Variants in MACROD2 observed in about 807,000 individuals in gnomAD.
The protein encoded by MACROD2 is ADP-ribose glycohydrolase MACROD2.
Under a neutral mutation model 70.4 loss-of-function variants are expected in MACROD2, and 36 were observed. That is an observed-to-expected ratio of 0.51 (90% CI 0.39 to 0.68). The LOEUF is 0.68. MACROD2 is among the 30% of genes least tolerant of loss of function. The pLI, the probability that MACROD2 is intolerant of heterozygous loss-of-function variation, is 0.00. For synonymous variants in MACROD2, 172 were observed against 178.8 expected, an observed-to-expected ratio of 0.96 and a Z score of 0.30; for missense variants, 496 against 538.4, an observed-to-expected ratio of 0.92 and a Z score of 0.78.
At chr20:14,385,152 A>G (rs6105261) in intron 3 of MACROD2, among the ~76,000 whole-genome samples, 58,978 of 151,952 alleles carry the variant, frequency 0.39, 11,812 homozygotes, top group South Asian at 0.62. Flanking sequence ...TTAATAATCA[A>G]TGGAGAAAAA....
intron 7 of MACROD2, among the ~76,000 whole-genome samples, chr20:15,494,685 G>A (rs982256711): frequency 2.0e-4 from 30 of 152,048 alleles, no homozygotes; most frequent in African/African-American, 6.3e-4. Flanking sequence ...CTCAGGACAA[G>A]GCAGCTTTCT....
At chr20:14,702,879 C>T (rs118166154) in intron 5 of MACROD2, among the ~76,000 whole-genome samples, 1,728 of 151,204 alleles carry the variant, frequency 0.011, 13 homozygotes, top group Non-Finnish European at 0.019. Flanking sequence ...AGGTGCCTGC[C>T]ACCACACCCT....
intron 3 of MACROD2, among the ~76,000 whole-genome samples, chr20:14,341,921 A>G (rs1244867710): frequency 1.3e-5 from 2 of 152,198 alleles, no homozygotes; most frequent in African/African-American, 4.8e-5. Flanking sequence ...CAGGCTATAT[A>G]CAGTGGACCT....
chr20:15,540,450 T>C (rs1282363028), intron 8 of MACROD2, among the ~76,000 whole-genome samples: 1 of 152,138 alleles, frequency 6.6e-6, no homozygotes, highest in Non-Finnish European at 1.5e-5. Context: ...GAAGAGACTC[T>C]TGTAGCAATT....
At position 14,326,082 on chromosome 20, in the gene MACROD2, A is replaced by G. The variant is rs2082728821; in HGVS notation, c.272-167397A>G. 2 of 1,613,944 alleles carry G rather than the reference A, an allele frequency of 1.2e-6. No homozygotes were observed. The highest frequency in any genetic ancestry group is 1.7e-6 in the Non-Finnish European group (2 of 1,179,884). ...TTTCCATGGGAACCATGCATACTTT[A>G]TAGGGTGAATCAGGCTCCAGGGCTG... On this transcript the variant is annotated intron_variant, in intron 3 of 17. Coordinates refer to ENST00000684519, the MANE Select transcript of MACROD2 (RefSeq NM_001351661.2). This position sits in a 1 kb window ranked among gnomAD's most constrained non-coding sequence, Gnocchi z 5.5.
intron 5 of MACROD2, among the ~76,000 whole-genome samples, chr20:14,973,381 C>T (rs1027975968): frequency 2.6e-5 from 4 of 151,858 alleles, no homozygotes; most frequent in African/African-American, 9.7e-5. Context: ...TGCCTCCACA[C>T]CTGGCTAATT....
chr20:15,220,069 T>G (rs967103026), intron 5 of MACROD2, among the ~76,000 whole-genome samples: 3 of 152,058 alleles, frequency 2.0e-5, no homozygotes, highest in African/African-American at 7.2e-5. Flanking sequence ...TGTTAGAATC[T>G]TATTTTTAAA....
intron 8 of MACROD2, among the ~76,000 whole-genome samples, chr20:15,832,589 A>G (rs1419629048): frequency 1.3e-5 from 2 of 152,234 alleles, no homozygotes; most frequent in Non-Finnish European, 2.9e-5. Context: ...AAAAACACCC[A>G]TACATATTCC....
intron 4 of MACROD2, among the ~76,000 whole-genome samples, chr20:14,538,094 C>T (rs2085388251): frequency 1.3e-5 from 2 of 152,158 alleles, no homozygotes; most frequent in South Asian, 4.1e-4. Context: ...TCAGAACAAT[C>T]CCATGAAGGG....
At chr20:15,188,415 AT>A (rs1276455041) in intron 5 of MACROD2, among the ~76,000 whole-genome samples, 1 of 152,240 alleles carries the variant, frequency 6.6e-6, no homozygotes, top group Non-Finnish European at 1.5e-5. Context: ...TGGTTAGTAT[AT>A]TAACCTATTA....
chr20:15,775,262 A>G (rs1019788442), intron 8 of MACROD2, among the ~76,000 whole-genome samples: 7 of 152,098 alleles, frequency 4.6e-5, no homozygotes, highest in Non-Finnish European at 8.8e-5. Flanking sequence ...GCATGATCTG[A>G]GGGTGGCGTT....
At chr20:14,377,776 G>A (rs988992271) in intron 3 of MACROD2, among the ~76,000 whole-genome samples, 2 of 152,148 alleles carry the variant, frequency 1.3e-5, no homozygotes, top group Non-Finnish European at 2.9e-5. Flanking sequence ...TTTGCAATGA[G>A]TATAACTTTA....
chr20:14,806,622 C>T (rs556416901), intron 5 of MACROD2, among the ~76,000 whole-genome samples: 1 of 152,202 alleles, frequency 6.6e-6, no homozygotes, highest in African/African-American at 2.4e-5. Flanking sequence ...GGGGCTGAAG[C>T]CAGGGAGCCA....
At chr20:15,309,400 G>A (rs1388576683) in intron 6 of MACROD2, among the ~76,000 whole-genome samples, 1 of 152,148 alleles carries the variant, frequency 6.6e-6, no homozygotes, top group African/African-American at 2.4e-5. Context: ...ACTGATAGCT[G>A]ATGATTACCA....
At chr20:14,387,577 C>A (rs573266433) in intron 3 of MACROD2, among the ~76,000 whole-genome samples, 9 of 152,146 alleles carry the variant, frequency 5.9e-5, no homozygotes, top group Non-Finnish European at 1.2e-4. Context: ...GCTTCTGTGC[C>A]GGTTTCTCAA....
intron 3 of MACROD2, among the ~76,000 whole-genome samples, chr20:14,337,038 A>T (rs562369256): frequency 5.3e-5 from 8 of 152,350 alleles, no homozygotes; most frequent in Admixed American, 2.6e-4. Flanking sequence ...ATCATCCCAC[A>T]CGTACAGTAC....
intron 5 of MACROD2, among the ~76,000 whole-genome samples, chr20:15,043,178 A>T (rs941912973): frequency 1.3e-5 from 2 of 152,236 alleles, no homozygotes; most frequent in Non-Finnish European, 2.9e-5. Flanking sequence ...ATGACCAGGC[A>T]GTGGACTGAA....
intron 10 of MACROD2, among the ~76,000 whole-genome samples, chr20:15,904,739 G>T (rs1316465471): frequency 6.6e-6 from 1 of 151,996 alleles, no homozygotes; most frequent in African/African-American, 2.4e-5. Flanking sequence ...AAATTAGCCG[G>T]GCGTGGTGGC....
Position 14,326,942 on chromosome 20 carries a change from T to C in MACROD2, c.272-166537T>C. 1.2e-6 allele frequency: 2 copies of C among 1,613,760 alleles called. No individual in the cohort carries two copies. The highest frequency in any genetic ancestry group is 1.7e-6 in the Non-Finnish European group (2 of 1,179,796). On this transcript the variant is annotated intron_variant, in intron 3 of 17. Transcript: ENST00000684519. This position sits in a 1 kb window ranked among gnomAD's most constrained non-coding sequence, Gnocchi z 5.5. ...CCTTGAAGAGATGGTGATGAAATAG[T>C]GGATATGCGATTATCATCCAAGCGT... is the stretch of plus-strand genomic sequence containing the variant.
Sources: allele counts gnomAD v4.1 joint callset (sites outside exome capture counted in the v4.1 genomes callset), GRCh38; gene constraint gnomAD v4.1.1; non-coding constraint Gnocchi (gnomAD v3.1); transcripts MANE v1.5; gene names NCBI Gene and HGNC (gene_info 2026-07-23, HGNC 2026-07-21).